GRM5: variants seen among roughly 807,000 people sequenced by gnomAD.
The protein encoded by GRM5 is metabotropic glutamate receptor 5.
A neutral mutation model predicts 83.1 loss-of-function variants in GRM5; 19 were observed. That is an observed-to-expected ratio of 0.23 (90% CI 0.16 to 0.34). GRM5 has a LOEUF of 0.34. Among genes scored for constraint, GRM5 ranks in the 10% least tolerant of loss-of-function variants. The pLI is 1.00. For synonymous variants in GRM5, 675 were observed against 633.6 expected (o/e 1.07, Z -0.98); for missense variants, 1,160 against 1,588.3 (o/e 0.73, Z 4.58).
intron 8 of GRM5, among the ~76,000 whole-genome samples, chr11:88,562,920 A>G (rs548259679): frequency 1.7e-4 from 26 of 152,316 alleles, no homozygotes; most frequent in African/African-American, 5.8e-4. Context: ...TACACAATGT[A>G]TGGAACCATG....
chr11:88,813,530 G>A (rs1462751837), intron 3 of GRM5, among the ~76,000 whole-genome samples: 3 of 152,016 alleles, frequency 2.0e-5, no homozygotes, highest in Non-Finnish European at 4.4e-5. Context: ...AACATTTTGG[G>A]GCTCATGTTA....
intron 2 of GRM5, among the ~76,000 whole-genome samples, chr11:88,855,347 T>C (rs1944455873): frequency 6.6e-6 from 1 of 151,936 alleles, no homozygotes; most frequent in South Asian, 2.1e-4. Context: ...ACACCCCACA[T>C]ATTCTCATTT....
At chr11:88,760,392 A>G (rs1049003041) in intron 3 of GRM5, among the ~76,000 whole-genome samples, 3 of 152,178 alleles carry the variant, frequency 2.0e-5, no homozygotes, top group African/African-American at 7.2e-5. Context: ...CACGGACCCC[A>G]TAGAAATACA....
At chr11:88,929,893 C>A (rs1937648682) in intron 2 of GRM5, among the ~76,000 whole-genome samples, 1 of 152,002 alleles carries the variant, frequency 6.6e-6, no homozygotes, top group Admixed American at 6.6e-5. Flanking sequence ...TTTAAGCACA[C>A]CAAGGATTCT....
At chr11:88,623,945 T>C (rs1249665072) in intron 4 of GRM5, among the ~76,000 whole-genome samples, 1 of 152,242 alleles carries the variant, frequency 6.6e-6, no homozygotes, top group African/African-American at 2.4e-5. Flanking sequence ...TGGTTTTTAG[T>C]GATTGCAACA....
chr11:88,736,158 T>G (rs1591477275), intron 3 of GRM5, among the ~76,000 whole-genome samples: 2 of 152,206 alleles, frequency 1.3e-5, no homozygotes, highest in Middle Eastern at 3.4e-3. Context: ...TAATGACAAT[T>G]TCAGTTTTAA....
intron 4 of GRM5, among the ~76,000 whole-genome samples, chr11:88,606,907 T>C (rs1938159207): frequency 6.6e-6 from 1 of 151,158 alleles, no homozygotes. Context: ...CCAGAGCTTA[T>C]CATTTTGGAA....
intron 7 of GRM5, among the ~76,000 whole-genome samples, chr11:88,586,016 T>A (rs768778320): frequency 1.3e-5 from 2 of 152,132 alleles, no homozygotes; most frequent in Non-Finnish European, 2.9e-5. Flanking sequence ...TGACTGCTAT[T>A]GAGAATATGG....
chr11:88,664,533 G>A (rs1235537259), intron 3 of GRM5, among the ~76,000 whole-genome samples: 3 of 151,808 alleles, frequency 2.0e-5, no homozygotes, highest in Non-Finnish European at 2.9e-5. Context: ...TGCAACTTCC[G>A]CCTCCTGGGT....
intron 2 of GRM5, among the ~76,000 whole-genome samples, chr11:88,931,520 A>C (rs1937705509): frequency 6.6e-6 from 1 of 152,094 alleles, no homozygotes; most frequent in Admixed American, 6.6e-5. Flanking sequence ...TCCCATTGAT[A>C]AGTACAATGT....
At chr11:88,669,471 G>A (rs1940137498) in intron 3 of GRM5, among the ~76,000 whole-genome samples, 1 of 151,880 alleles carries the variant, frequency 6.6e-6, no homozygotes, top group Non-Finnish European at 1.5e-5. Context: ...GTTCTAGCAA[G>A]TTTAATAAGG....
At chr11:88,612,124 C>G (rs1357658684) in intron 4 of GRM5, among the ~76,000 whole-genome samples, 16 of 143,142 alleles carry the variant, frequency 1.1e-4, no homozygotes, top group Middle Eastern at 7.0e-3. Context: ...CCCCTCCCCC[C>G]ATCCCACCAC....
intron 3 of GRM5, among the ~76,000 whole-genome samples, chr11:88,821,973 T>C (rs992299365): frequency 1.3e-5 from 2 of 152,072 alleles, no homozygotes; most frequent in African/African-American, 4.8e-5. Context: ...TTAATTCTTT[T>C]TGATGACTCT....
intron 3 of GRM5, among the ~76,000 whole-genome samples, chr11:88,814,867 A>G (rs1943644280): frequency 6.6e-6 from 1 of 152,212 alleles, no homozygotes; most frequent in Non-Finnish European, 1.5e-5. Flanking sequence ...TCAAAGTGTC[A>G]ATTCATTAAG....
intron 2 of GRM5, among the ~76,000 whole-genome samples, chr11:89,036,564 A>G (rs1413222962): frequency 1.3e-5 from 2 of 151,996 alleles, no homozygotes; most frequent in Non-Finnish European, 2.9e-5. Context: ...TTTCAAAACA[A>G]TCTTATAGGG....
chr11:88,928,446 A>ATGTGTGTG (rs5793360), intron 2 of GRM5, among the ~76,000 whole-genome samples: 50 of 144,728 alleles, frequency 3.5e-4, no homozygotes, highest in African/African-American at 1.2e-3. Flanking sequence ...AATCTATCAT[A>ATGTGTGTG]TGTGTGTGTG....
chr11:88,769,285 C>A (rs1942682514), intron 3 of GRM5, among the ~76,000 whole-genome samples: 1 of 151,930 alleles, frequency 6.6e-6, no homozygotes, highest in Non-Finnish European at 1.5e-5. Flanking sequence ...AACTCATGTT[C>A]AACTTAATAT....
intron 3 of GRM5, among the ~76,000 whole-genome samples, chr11:88,686,807 C>G (rs538673215): frequency 4.1e-4 from 63 of 152,234 alleles, no homozygotes; most frequent in African/African-American, 1.4e-3. Flanking sequence ...GAGGCCTCCC[C>G]AGTCATGTGG....
chr11:88,669,563 T>C (rs959059175), intron 3 of GRM5, among the ~76,000 whole-genome samples: 5 of 152,076 alleles, frequency 3.3e-5, no homozygotes, highest in Non-Finnish European at 7.4e-5. Context: ...AAATAATCTA[T>C]AGATATACTA....
Sources: gnomAD v4.1 joint callset for allele counts (sites outside exome capture counted in the v4.1 genomes callset) on GRCh38, gnomAD v4.1.1 for gene constraint, MANE v1.5 for transcripts, NCBI Gene and HGNC (gene_info 2026-07-23, HGNC 2026-07-21) for gene names.